Variants in XPO4 observed in about 807,000 individuals in gnomAD.
XPO4 encodes exportin 4, also known as exportin-4.
Under a neutral mutation model 143.0 loss-of-function variants are expected in XPO4, and 39 were observed. That is an observed-to-expected ratio of 0.27 (90% CI 0.21 to 0.36). The LOEUF is 0.36. Ranked by LOEUF, XPO4 falls within the 10% of genes least tolerant of loss-of-function variation. The pLI is 1.00. For missense variants in XPO4, 907 were observed against 1,348.0 expected, an observed-to-expected ratio of 0.67 and a Z score of 5.12; for synonymous variants, 439 against 474.0, an observed-to-expected ratio of 0.93 and a Z score of 0.96.
Position 20,801,000 on chromosome 13 carries a change from T to A in XPO4, c.1818-10A>T, listed in dbSNP as rs759818642. The A allele has an allele frequency of 1.2e-6, 2 of 1,610,306 alleles. No homozygotes were observed. The highest frequency in any genetic ancestry group is 1.3e-5 in the African/African-American group (1 of 74,702). ...AATGGCAGACAACAGCCTGTAGGTA[T>A]AAAACAGAAGTCATTTATTCTTTTA... On this transcript the variant is annotated splice_polypyrimidine_tract_variant and intron_variant, in intron 13 of 22. Transcript: ENST00000255305.
At chr13:20,882,068 C>T (rs1360649405) in intron 1 of XPO4, among the ~76,000 whole-genome samples, 1 of 145,678 alleles carries the variant, frequency 6.9e-6, no homozygotes, top group African/African-American at 2.6e-5. Context: ...CAAGATCACA[C>T]CACTGCACTC....
At chr13:20,791,944 C>T (rs1220768007) in intron 18 of XPO4, among the ~76,000 whole-genome samples, 2 of 152,150 alleles carry the variant, frequency 1.3e-5, no homozygotes, top group Non-Finnish European at 2.9e-5. Flanking sequence ...CCAAATGTTC[C>T]CTGCACATCA....
chr13:20,827,023 CT>C, intron 7 of XPO4, 43 bp downstream of exon 7: 1 of 1,414,868 alleles, frequency 7.1e-7, no homozygotes, highest in Non-Finnish European at 1.0e-6. Flanking sequence ...GGCATTTCCT[CT>C]TTTCTATGGC....
intron 20 of XPO4, among the ~76,000 whole-genome samples, 163 bp downstream of exon 20, chr13:20,788,323 C>G (rs1344212963): frequency 6.6e-6 from 1 of 152,136 alleles, no homozygotes; most frequent in African/African-American, 2.4e-5. Flanking sequence ...TCCCAAAGTG[C>G]TGGAATTACA....
intron 9 of XPO4, among the ~76,000 whole-genome samples, chr13:20,813,388 A>C (rs2059608131): frequency 6.6e-6 from 1 of 152,212 alleles, no homozygotes; most frequent in African/African-American, 2.4e-5. Context: ...GGCAAGGGAC[A>C]CAAACAAGCA....
chr13:20,843,010 T>C lies in XPO4; in HGVS notation c.612A>G (p.Glu204=), dbSNP rs780612575. Reference sequence around the variant, plus strand: ...CCCGCCTGCTGAACTCCTGCAGAACTTCAACAGTTAACATGAAGATCTGAC... The same window carrying C: ...CCCGCCTGCTGAACTCCTGCAGAACCTCAACAGTTAACATGAAGATCTGAC... ...DLRQIFMLTV[E]VLQEFSRREN... Residue 204 remains glutamate (E), a synonymous_variant, in exon 6 of 23, where the codon GAA becomes GAG. Coordinates refer to ENST00000255305, the MANE Select transcript of XPO4 (RefSeq NM_022459.5). The C allele has an allele frequency of 1.9e-6, 3 of 1,612,836 alleles. No individual in the cohort carries two copies. The African/African-American group carries it at 4.0e-5, about 22-fold the overall frequency.
At position 20,800,286 on chromosome 13, in the gene XPO4, C is replaced by G. The variant is rs1180915120; in HGVS notation, c.2017G>C (p.Glu673Gln). ...TAGCCAATTATCCACTGAGAACCCT[C>G]TGTATCTGCTCCGAACGCTGTACTG... Reference protein sequence around the residue: ...PFSTAFGADTEGSQWIIGYLL... With the variant: ...PFSTAFGADTQGSQWIIGYLL... Residue 673 changes from glutamate (E) to glutamine (Q), a missense_variant, in exon 15 of 23, where the codon GAG (glutamate) becomes CAG (glutamine). Transcript: ENST00000255305. 1 of 1,613,936 alleles carries G rather than the reference C, an allele frequency of 6.2e-7. No individual in the cohort carries two copies. Among genetic ancestry groups the G allele is most frequent in the Admixed American group, 1.7e-5 (1 of 59,990 alleles).
chr13:20,821,716 T>C lies in XPO4; in HGVS notation c.1161A>G (p.Ala387=). 3 of 1,613,306 alleles carry C rather than the reference T, an allele frequency of 1.9e-6. No homozygotes were observed. The highest frequency in any genetic ancestry group is 1.7e-4 in the Middle Eastern group (1 of 6,060). Residue 387 remains alanine, a synonymous_variant, in exon 9 of 23, where the codon GCA becomes GCG. Transcript: ENST00000255305. ...HLTCSFGRSA[A]LEEVLDKDDM... ...AATAGTCACTCACCACTTCTTCCAA[T>C]GCAGCACTTCGCCCAAAAGAACAAG...
chr13:20,796,737 G>C (rs375535549), intron 17 of XPO4, 27 bp downstream of exon 17: 1 of 1,534,002 alleles, frequency 6.5e-7, no homozygotes, highest in Non-Finnish European at 8.8e-7. Flanking sequence ...TTTTAATCCT[G>C]AGGGGATAAA....
intron 22 of XPO4, 62 bp from the exon 23 acceptor site, chr13:20,783,981 T>C: frequency 3.3e-6 from 5 of 1,527,952 alleles, no homozygotes; most frequent in Non-Finnish European, 4.5e-6. Context: ...GTAGATCTTA[T>C]CAGTTACTGG....
At chr13:20,855,477 G>T in intron 4 of XPO4, 150 bp downstream of exon 4, 5 of 625,848 alleles carry the variant, frequency 8.0e-6, no homozygotes, top group Non-Finnish European at 1.1e-5. Context: ...AAAAAAAAAA[G>T]ACTAGAAGAA....
At chr13:20,827,257 G>T in intron 6 of XPO4, 78 bp from the exon 7 acceptor site, 1 of 1,024,796 alleles carries the variant, frequency 9.8e-7, no homozygotes. Context: ...TATAACAGGA[G>T]CCATCTAGAA....
At chr13:20,797,120 G>C in intron 16 of XPO4, 63 bp from the exon 17 acceptor site, 6 of 1,448,592 alleles carry the variant, frequency 4.1e-6, no homozygotes, top group Non-Finnish European at 5.5e-6. Flanking sequence ...CCTCTGCTTG[G>C]ATACATATTC....
chr13:20,799,012 C>A (rs376616956), intron 16 of XPO4, among the ~76,000 whole-genome samples, 153 bp downstream of exon 16: 1 of 148,560 alleles, frequency 6.7e-6, no homozygotes, highest in Non-Finnish European at 1.5e-5. Context: ...CAGAGTAAGA[C>A]CCTATCTCAG....
Position 20,809,185 on chromosome 13 carries a change from C to T in XPO4, c.1391G>A (p.Ser464Asn), listed in dbSNP as rs1323711870. Residue 464 changes from serine to asparagine, a missense_variant, in exon 11 of 23, where the codon AGT (serine) becomes AAT (asparagine). Transcript: ENST00000255305. ...GVASREEEEI[S>N]ELQEDDRDQF... ...GTCTCGATCATCCTCTTGAAGTTCA[C>T]TTATTTCTTCCTCCTCACGAGAGGC... The T allele has an allele frequency of 6.2e-7, 1 of 1,614,138 alleles. No individual in the cohort carries two copies. Among genetic ancestry groups the T allele is most frequent in the Non-Finnish European group, 8.5e-7 (1 of 1,180,006 alleles).
intron 18 of XPO4, among the ~76,000 whole-genome samples, chr13:20,792,749 A>G (rs1290640556): frequency 1.4e-5 from 2 of 144,502 alleles, no homozygotes; most frequent in Admixed American, 6.9e-5. Flanking sequence ...AAAAAGTCAG[A>G]TGCCAGTTTC....
At chr13:20,868,391 G>GA (rs2060263230) in intron 2 of XPO4, 8 of 793,546 alleles carry the variant, frequency 1.0e-5, no homozygotes, top group South Asian at 2.5e-5. Flanking sequence ...ATCTAGGGGG[G>GA]AAAAATCCAA....
At chr13:20,819,560 T>A (rs1023356182) in intron 9 of XPO4, among the ~76,000 whole-genome samples, 2 of 151,954 alleles carry the variant, frequency 1.3e-5, no homozygotes, top group African/African-American at 4.8e-5. Context: ...CTCGGGAGGC[T>A]GATGCAGAAG....
At chr13:20,851,658 C>T (rs1445615199) in intron 4 of XPO4, 1 of 704,274 alleles carries the variant, frequency 1.4e-6, no homozygotes, top group African/African-American at 2.1e-5. Context: ...TGCAGTAGGC[C>T]AAGACTACAC....
Sources: gnomAD v4.1 joint callset for allele counts (sites outside exome capture counted in the v4.1 genomes callset) on GRCh38, gnomAD v4.1.1 for gene constraint, MANE v1.5 for transcripts, NCBI Gene and HGNC (gene_info 2026-07-23, HGNC 2026-07-21) for gene names.